ATXN7L1: variants seen among roughly 807,000 people sequenced by gnomAD.
ATXN7L1 encodes the protein ataxin-7-like protein 1.
In ATXN7L1, 15 loss-of-function variants were observed where a neutral mutation model predicts 70.8. The observed-to-expected ratio is 0.21, with a 90% confidence interval of 0.14 to 0.33. The LOEUF (loss-of-function observed/expected upper bound fraction) is 0.33, where lower values mean the gene tolerates loss of function less well. Ranked by LOEUF, ATXN7L1 falls within the 10% of genes least tolerant of loss-of-function variation. The probability of loss-of-function intolerance (pLI) is 1.00; values close to 1 mark genes in which losing one functional copy is unlikely to be tolerated. For synonymous variants in ATXN7L1, 440 were observed against 445.1 expected, an observed-to-expected ratio of 0.99 and a Z score of 0.14; for missense variants, 975 against 1,097.1, an observed-to-expected ratio of 0.89 and a Z score of 1.57.
intron 3 of ATXN7L1, among the ~76,000 whole-genome samples, chr7:105,761,717 G>T (rs1800579331): frequency 6.6e-6 from 1 of 152,106 alleles, no homozygotes; most frequent in Non-Finnish European, 1.5e-5. Flanking sequence ...TGGCGGTGGG[G>T]TGGGGGCAGG....
intron 2 of ATXN7L1, among the ~76,000 whole-genome samples, chr7:105,840,206 C>A (rs557384705): frequency 1.4e-4 from 22 of 152,314 alleles, no homozygotes; most frequent in Admixed American, 5.2e-4. Flanking sequence ...AGTGTAGGAG[C>A]AGAGTGACAA....
intron 4 of ATXN7L1, among the ~76,000 whole-genome samples, chr7:105,658,733 C>A (rs1307210477): frequency 6.6e-6 from 1 of 152,026 alleles, no homozygotes; most frequent in Non-Finnish European, 1.5e-5. Flanking sequence ...GGGGTTCCAC[C>A]ATGTTGGCTA....
rs150836759 is a variant in ATXN7L1 at position 105,832,008 on chromosome 7, T to C, written c.251-43300A>G. ...GTGAGTAATACTCACATGATCATAA[T>C]AATATAAGCCCCTAATGCTGATTTA... On this transcript the variant is annotated intron_variant, in intron 2 of 11. Coordinates refer to ENST00000419735, the MANE Select transcript of ATXN7L1 (RefSeq NM_020725.2). Among the ~76,000 whole-genome samples the C allele has an allele frequency of 3.0e-4, 45 of 152,324 alleles. No homozygotes were observed. In the East Asian group the frequency reaches 8.7e-3, roughly 29 times the overall value.
At chr7:105,733,629 T>TCCAC (rs1563049020) in intron 3 of ATXN7L1, among the ~76,000 whole-genome samples, 3 of 76,556 alleles carry the variant, frequency 3.9e-5, no homozygotes, top group Non-Finnish European at 8.0e-5. Flanking sequence ...CATCCATCCA[T>TCCAC]CCACCCATCC....
chr7:105,657,681 T>C (rs570601547), intron 4 of ATXN7L1, among the ~76,000 whole-genome samples: 39 of 113,712 alleles, frequency 3.4e-4, no homozygotes, highest in African/African-American at 1.3e-3. Context: ...GCAGCCTGGG[T>C]GACAGAGTGA....
At chr7:105,810,128 T>C (rs1808220237) in intron 2 of ATXN7L1, among the ~76,000 whole-genome samples, 1 of 152,254 alleles carries the variant, frequency 6.6e-6, no homozygotes, top group African/African-American at 2.4e-5. Context: ...TTAAAATTTC[T>C]ATTTTAGCAA....
chr7:105,804,837 T>C (rs1430112978), intron 2 of ATXN7L1, among the ~76,000 whole-genome samples: 2 of 152,128 alleles, frequency 1.3e-5, no homozygotes, highest in African/African-American at 2.4e-5. Context: ...GTCTCACAGT[T>C]TGGGAATGCT....
chr7:105,817,194 A>G (rs951697441), intron 2 of ATXN7L1, among the ~76,000 whole-genome samples: 4 of 152,228 alleles, frequency 2.6e-5, no homozygotes, highest in Admixed American at 1.3e-4. Flanking sequence ...GATTGAAAAC[A>G]GAGATGTCAA....
intron 4 of ATXN7L1, among the ~76,000 whole-genome samples, chr7:105,652,640 C>A (rs574195065): frequency 2.0e-5 from 3 of 152,334 alleles, no homozygotes; most frequent in Non-Finnish European, 4.4e-5. Context: ...CTGGAGGAAA[C>A]CCTGACCCAA....
intron 3 of ATXN7L1, among the ~76,000 whole-genome samples, chr7:105,732,248 A>T (rs1280483559): frequency 6.6e-6 from 1 of 151,968 alleles, no homozygotes; most frequent in African/African-American, 2.4e-5. Flanking sequence ...TGTCTCTACT[A>T]AAAAATACAA....
At chr7:105,613,672 T>C (rs1384481041) in intron 10 of ATXN7L1, 190 bp downstream of exon 10, 5 of 1,451,194 alleles carry the variant, frequency 3.4e-6, no homozygotes, top group Non-Finnish European at 3.6e-6. Context: ...GTCTAGCACA[T>C]AGTGAGCGTG....
rs557712975 is a variant in ATXN7L1, at chr7:105,710,211, G to A, written c.356-44923C>T. ...TAGTCCATTCTCACACTGCTATCAA[G>A]CTCTACCTGAAACTGGGTAATTTAT... On this transcript the variant is annotated intron_variant, in intron 3 of 11. Coordinates refer to ENST00000419735, the MANE Select transcript of ATXN7L1 (RefSeq NM_020725.2). 5.9e-5 allele frequency among the ~76,000 whole-genome samples: 9 copies of A among 152,220 alleles called. No homozygotes were observed. The South Asian group carries it at 1.9e-3, about 32-fold the overall frequency.
intron 4 of ATXN7L1, among the ~76,000 whole-genome samples, chr7:105,664,211 T>A (rs1802155024): frequency 6.6e-6 from 1 of 152,036 alleles, no homozygotes; most frequent in Non-Finnish European, 1.5e-5. Context: ...TGGGACCCAG[T>A]GTTGCGGGTA....
chr7:105,867,120 T>G (rs951384223), intron 2 of ATXN7L1, among the ~76,000 whole-genome samples: 1 of 152,166 alleles, frequency 6.6e-6, no homozygotes, highest in African/African-American at 2.4e-5. Flanking sequence ...AGCATCAACA[T>G]GGCCTCACAG....
chr7:105,766,524 T>G (rs777103525), intron 3 of ATXN7L1, among the ~76,000 whole-genome samples: 1 of 152,280 alleles, frequency 6.6e-6, no homozygotes. Flanking sequence ...AAATGAGAAA[T>G]GCACCTATCA....
chr7:105,613,918 G>A lies in ATXN7L1; in HGVS notation c.2416C>T (p.Pro806Ser), dbSNP rs1490376676. ...PGMNSVHKKN[P>S]PSLLAPVPDP... ...GGCACCGGTGCGAGAAGGCTGGGCG[G>A]GTTCTTTTTGTGAACGCTATTCATA... is the stretch of plus-strand genomic sequence containing the variant. Residue 806 changes from proline (P) to serine (S), a missense_variant, in exon 10 of 12, where the codon CCG becomes TCG. By Grantham distance (74) the Pro-to-Ser change is moderately conservative (BLOSUM62 -1). This residue lies in a region of ATXN7L1 where 635 missense variants were observed against 699.4 expected (regional missense o/e 0.91). Transcript: ENST00000419735. The A allele has an allele frequency of 1.1e-5, 17 of 1,552,094 alleles. No individual in the cohort carries two copies. The highest frequency in any genetic ancestry group is 1.7e-4 in the Middle Eastern group (1 of 5,994).
At chr7:105,625,486 G>A (rs1317118756) in intron 7 of ATXN7L1, among the ~76,000 whole-genome samples, 1 of 152,064 alleles carries the variant, frequency 6.6e-6, no homozygotes, top group Non-Finnish European at 1.5e-5. Flanking sequence ...CCTGACCTCA[G>A]GTGATCTGCC....
At chr7:105,809,589 A>G (rs1485485028) in intron 2 of ATXN7L1, among the ~76,000 whole-genome samples, 1 of 152,156 alleles carries the variant, frequency 6.6e-6, no homozygotes, top group East Asian at 1.9e-4. Flanking sequence ...CCTTACAATG[A>G]TACTGACATG....
intron 2 of ATXN7L1, among the ~76,000 whole-genome samples, chr7:105,842,767 G>A (rs765680872): frequency 1.3e-5 from 2 of 152,170 alleles, no homozygotes; most frequent in Admixed American, 6.5e-5. Flanking sequence ...AGGAACTGCC[G>A]AACTGCTTTC....
Sources: allele counts gnomAD v4.1 joint callset (sites outside exome capture counted in the v4.1 genomes callset), GRCh38; gene constraint gnomAD v4.1.1; regional missense constraint gnomAD v4.1.1; transcripts MANE v1.5; gene names NCBI Gene and HGNC (gene_info 2026-07-23, HGNC 2026-07-21).